The following ZNF654 variants were observed in gnomAD, a reference collection of about 807,000 sequenced individuals.
The protein encoded by ZNF654 is melanoma-associated antigen.
In ZNF654, 19 loss-of-function variants were observed where a neutral mutation model predicts 95.3. That is an observed-to-expected ratio of 0.20 (90% CI 0.14 to 0.29). ZNF654 has a LOEUF of 0.29. ZNF654 is among the 10% of genes least tolerant of loss of function. The pLI, the probability that ZNF654 is intolerant of heterozygous loss-of-function variation, is 1.00. For synonymous variants in ZNF654, 413 were observed against 457.9 expected (o/e 0.90, Z 1.25); for missense variants, 1,046 against 1,341.0 (o/e 0.78, Z 3.44).
intron 3 of ZNF654, among the ~76,000 whole-genome samples, chr3:88,114,648 A>T (rs1352688604): frequency 6.6e-6 from 1 of 151,998 alleles, no homozygotes; most frequent in Non-Finnish European, 1.5e-5. Context: ...CCTACTCTGA[A>T]TTTCCTTGAG....
At chr3:88,081,227 C>G (rs927447277) in intron 1 of ZNF654, among the ~76,000 whole-genome samples, 1 of 152,128 alleles carries the variant, frequency 6.6e-6, no homozygotes, top group African/African-American at 2.4e-5. Context: ...TGAAGAGATT[C>G]ATGATGATAA....
intron 2 of ZNF654, among the ~76,000 whole-genome samples, chr3:88,089,012 A>G (rs1437675538): frequency 4.0e-5 from 6 of 151,826 alleles, no homozygotes; most frequent in South Asian, 2.1e-4. Context: ...ACCTCAGATG[A>G]TCTACCCACC....
intron 1 of ZNF654, among the ~76,000 whole-genome samples, chr3:88,065,847 A>G (rs1270910807): frequency 6.6e-6 from 1 of 152,080 alleles, no homozygotes; most frequent in Non-Finnish European, 1.5e-5. Flanking sequence ...AGCACCCATC[A>G]GCCCCCACCC....
At chr3:88,100,104 C>T (rs1704318812) in intron 2 of ZNF654, among the ~76,000 whole-genome samples, 1 of 152,166 alleles carries the variant, frequency 6.6e-6, no homozygotes, top group African/African-American at 2.4e-5. Flanking sequence ...CCAGAATCTA[C>T]AAAGAACTTA....
intron 1 of ZNF654, among the ~76,000 whole-genome samples, chr3:88,065,194 T>C (rs1230092995): frequency 2.0e-5 from 3 of 152,208 alleles, no homozygotes; most frequent in African/African-American, 7.2e-5. Context: ...TGGAAAGACA[T>C]CAACTCGTTT....
intron 2 of ZNF654, among the ~76,000 whole-genome samples, chr3:88,088,757 T>TGG (rs1553694194): frequency 0.11 from 10,460 of 94,042 alleles, 411 homozygotes; most frequent in South Asian, 0.17. Context: ...TGTATGTATG[T>TGG]ATGTATGGAT....
chr3:88,135,142 T>C lies in ZNF654; in HGVS notation c.975T>C (p.Leu325=). 1 of 1,492,370 alleles carries C rather than the reference T, an allele frequency of 6.7e-7. No homozygotes were observed. Among genetic ancestry groups the C allele is most frequent in the Non-Finnish European group, 8.9e-7 (1 of 1,127,044 alleles). 92.4% of individuals were successfully genotyped at this position (1,492,370 alleles called of 1,614,324 possible). ...TTTTTGTAGATCAATGCTACCAGCT[T>C]TTAAGAACAGCAACTAATGTGAGAG... is the stretch of plus-strand genomic sequence containing the variant. ...KQVFVDQCYQ[L]LRTATNVRVI... Residue 325 remains leucine (L), a synonymous_variant, in exon 7 of 9, where the codon CTT becomes CTC. Transcript: ENST00000636215.
At chr3:88,125,336 T>C (rs1307449588) in intron 3 of ZNF654, among the ~76,000 whole-genome samples, 1 of 152,216 alleles carries the variant, frequency 6.6e-6, no homozygotes, top group African/African-American at 2.4e-5. Flanking sequence ...GATTTATATA[T>C]TCAGTAAACT....
At position 88,143,099 on chromosome 3, in the gene ZNF654, G is replaced by A. The variant is rs1216680114; in HGVS notation, c.*1447G>A. On this transcript the variant is annotated 3_prime_UTR_variant, in exon 9 of 9. Transcript: ENST00000636215. ...TCTAAATAATAAAATCTTTGTTCAA[G>A]GCAGATAATCTCATCAGACCCTATT... The A allele has an allele frequency of 6.6e-6, 1 of 152,248 alleles. No homozygotes were observed. Among genetic ancestry groups the A allele is most frequent in the Non-Finnish European group, 1.5e-5 (1 of 67,782 alleles). 9.4% of individuals were successfully genotyped at this position (152,248 alleles called of 1,614,324 possible).
intron 1 of ZNF654, among the ~76,000 whole-genome samples, chr3:88,084,487 C>T (rs1326006593): frequency 6.6e-6 from 1 of 152,004 alleles, no homozygotes; most frequent in Non-Finnish European, 1.5e-5. Flanking sequence ...TAGTGATGAC[C>T]GCATAGTTAG....
At chr3:88,060,645 A>G (rs1267711659) in intron 1 of ZNF654, among the ~76,000 whole-genome samples, 1 of 152,204 alleles carries the variant, frequency 6.6e-6, no homozygotes, top group Non-Finnish European at 1.5e-5. Flanking sequence ...GAGGAGTAAT[A>G]GTTAAATAAA....
At chr3:88,090,563 TAAAGA>T (rs2107676727) in intron 2 of ZNF654, among the ~76,000 whole-genome samples, 1 of 150,466 alleles carries the variant, frequency 6.6e-6, no homozygotes, top group African/African-American at 2.4e-5. Context: ...AATTTATTAT[TAAAGA>T]AAAAAATTTT....
In ZNF654 at chr3:88,091,419, G is replaced by C. The variant is rs185723153; in HGVS notation, c.332+5017G>C. Among the ~76,000 whole-genome samples, 140 of 152,194 alleles carry C rather than the reference G, an allele frequency of 9.2e-4. 2 individuals are homozygous for C. Among genetic ancestry groups the C allele is most frequent in the Admixed American group, 4.7e-3 (72 of 15,290 alleles). The stretch of plus-strand genomic sequence containing the variant: ...AAATATGTATTAAAATAAATTATTC[G>C]TAAGGAAGAAGTATTGCTGTTTCAG... On this transcript the variant is annotated intron_variant, in intron 2 of 8. Transcript: ENST00000636215.
intron 1 of ZNF654, among the ~76,000 whole-genome samples, chr3:88,084,488 G>A (rs1309852887): frequency 3.3e-5 from 5 of 152,266 alleles, no homozygotes; most frequent in East Asian, 3.9e-4. Flanking sequence ...AGTGATGACC[G>A]CATAGTTAGT....
chr3:88,090,002 TAAAC>T (rs1253712714), intron 2 of ZNF654, among the ~76,000 whole-genome samples: 4 of 152,200 alleles, frequency 2.6e-5, no homozygotes, highest in Non-Finnish European at 4.4e-5. Context: ...GATGCTGGTG[TAAAC>T]AAACCTACGG....
intron 2 of ZNF654, among the ~76,000 whole-genome samples, chr3:88,092,088 T>C (rs558641986): frequency 1.3e-5 from 2 of 152,336 alleles, no homozygotes; most frequent in East Asian, 3.9e-4. Context: ...GGAAAACTTT[T>C]TGCATTATTT....
chr3:88,120,709 C>T lies in ZNF654; in HGVS notation c.415-5425C>T, dbSNP rs532421844. On this transcript the variant is annotated intron_variant, in intron 3 of 8. Transcript: ENST00000636215. Reference sequence around the variant, plus strand: ...ATCCTCTTTATGCGTATATTACTTACGCACATGTACTCATACTATATACAT... The same window carrying T: ...ATCCTCTTTATGCGTATATTACTTATGCACATGTACTCATACTATATACAT... Among the ~76,000 whole-genome samples, 6 of 152,110 alleles carry T rather than the reference C, an allele frequency of 3.9e-5. No individual in the cohort carries two copies. The East Asian group carries it at 5.8e-4, about 15-fold the overall frequency.
rs1014192028 is a variant in ZNF654 at position 88,138,863 on chromosome 3, A to G, written c.1194A>G (p.Ile398Met). The G allele has an allele frequency of 1.6e-6, 2 of 1,231,996 alleles. No homozygotes were observed. The highest frequency in any genetic ancestry group is 2.0e-6 in the Non-Finnish European group (2 of 987,942). The allele number at this position is 1,231,996 out of a possible 1,614,324, so 76.3% of individuals were successfully genotyped here. A position where few individuals can be genotyped will look rare whatever the true frequency, so the allele number is the denominator to read the frequency against. The change falls in exon 8 of 9, where the codon ATA becomes ATG. Residue 398 changes from isoleucine (I) to methionine (M), a missense_variant. Transcript: ENST00000636215. ...TCCTCAGGATTTGTGCACTCTCAAT[A>G]TTTTTTCTGGAGCGCTCCTTAGAAG... The part of the protein sequence containing the change: ...LEILRICALS[I>M]FFLERSLEAY...
intron 2 of ZNF654, among the ~76,000 whole-genome samples, chr3:88,089,148 A>C (rs928602435): frequency 6.6e-6 from 1 of 150,992 alleles, no homozygotes; most frequent in Non-Finnish European, 1.5e-5. Flanking sequence ...TTGTATTTGA[A>C]CTTTTTGATT....
Sources: allele counts gnomAD v4.1 joint callset (sites outside exome capture counted in the v4.1 genomes callset), GRCh38; gene constraint gnomAD v4.1.1; transcripts MANE v1.5; gene names NCBI Gene and HGNC (gene_info 2026-07-23, HGNC 2026-07-21).